EXD2: variants seen among roughly 807,000 people sequenced by gnomAD.
EXD2 encodes the protein exonuclease 3'-5' domain-containing protein 2.
A neutral mutation model predicts 62.5 loss-of-function variants in EXD2; 40 were observed. That is an observed-to-expected ratio of 0.64 (90% confidence interval 0.50 to 0.83). The LOEUF is 0.83. Among genes scored for constraint, EXD2 ranks in the 40% least tolerant of loss-of-function variants. EXD2 has a pLI of 0.00. For missense variants in EXD2, 671 were observed against 761.8 expected, an observed-to-expected ratio of 0.88 and a Z score of 1.40; for synonymous variants, 239 against 291.9, an observed-to-expected ratio of 0.82 and a Z score of 1.85.
chr14:69,223,943 A>G (rs1233559406), intron 3 of EXD2, among the ~76,000 whole-genome samples: 1 of 152,160 alleles, frequency 6.6e-6, no homozygotes, highest in Admixed American at 6.5e-5. Flanking sequence ...GCTTCTGGTG[A>G]GGCCTCCAGG....
chr14:69,200,683 T>G (rs2083926502), intron 1 of EXD2, among the ~76,000 whole-genome samples: 1 of 148,256 alleles, frequency 6.7e-6, no homozygotes, highest in Non-Finnish European at 1.5e-5. Flanking sequence ...CACTCCAGCC[T>G]TTGCGATAGA....
At chr14:69,225,491 A>G (rs982747514) in intron 3 of EXD2, among the ~76,000 whole-genome samples, 9 of 152,186 alleles carry the variant, frequency 5.9e-5, no homozygotes, top group African/African-American at 2.2e-4. Flanking sequence ...GTTCAGTTAA[A>G]CTTTGTACTT....
chr14:69,216,260 G>T (rs921884149), intron 3 of EXD2, among the ~76,000 whole-genome samples: 2 of 152,280 alleles, frequency 1.3e-5, no homozygotes, highest in African/African-American at 4.8e-5. Flanking sequence ...ACAAGTGTCT[G>T]TATGTGTCTA....
rs146836227 is a variant in EXD2 at position 69,207,114 on chromosome 14, A to G, written c.-47-2310A>G. Among the ~76,000 whole-genome samples the G allele has an allele frequency of 9.6e-4, 146 of 152,318 alleles. 2 individuals carry two copies. Among genetic ancestry groups the G allele is most frequent in the African/African-American group, 3.3e-3 (136 of 41,580 alleles). ...ATTACCACTTTTCATTATTACTCTA[A>G]TAATTGTTGTAATTCAGTTTTTCTT... On this transcript the variant is annotated intron_variant, in intron 2 of 9. Coordinates refer to ENST00000685843, the MANE Select transcript of EXD2 (RefSeq NM_001193360.2).
At chr14:69,213,643 A>G (rs2042893270) in intron 3 of EXD2, among the ~76,000 whole-genome samples, 1 of 144,716 alleles carries the variant, frequency 6.9e-6, no homozygotes, top group Non-Finnish European at 1.5e-5. Context: ...TCCTACAAGC[A>G]TAAGCCACTG....
At chr14:69,204,241 A>T (rs1179148378) in intron 2 of EXD2, among the ~76,000 whole-genome samples, 1 of 152,244 alleles carries the variant, frequency 6.6e-6, no homozygotes, top group Non-Finnish European at 1.5e-5. Context: ...AATTTGAAAA[A>T]TAAAAATTGT....
chr14:69,233,764 CTT>C (rs1392382633), intron 5 of EXD2, among the ~76,000 whole-genome samples: 30 of 115,176 alleles, frequency 2.6e-4, no homozygotes, highest in African/African-American at 1.9e-4. Flanking sequence ...GACCACGCTA[CTT>C]TTTTTTTTTT....
At position 69,213,378 on chromosome 14, in the gene EXD2, T is replaced by C. The variant is rs976466074; in HGVS notation, c.333+3575T>C. Among the ~76,000 whole-genome samples, 6 of 14,098 alleles carry C rather than the reference T, an allele frequency of 4.3e-4. No homozygotes were observed. In the African/African-American group the frequency reaches 5.6e-3, roughly 13 times the overall value. The allele number at this position is 14,098 out of a possible 152,430, so 9.2% of individuals were successfully genotyped here. The stretch of plus-strand genomic sequence containing the variant: ...GTGAGCTACCATGCTGGGCCCTTTT[T>C]TTTTTTTTTTTTTTTTTTTTAAGAG... On this transcript the variant is annotated intron_variant, in intron 3 of 9. Coordinates refer to ENST00000685843, the MANE Select transcript of EXD2 (RefSeq NM_001193360.2).
At chr14:69,201,874 G>A (rs1456373711) in intron 1 of EXD2, among the ~76,000 whole-genome samples, 1 of 151,576 alleles carries the variant, frequency 6.6e-6, no homozygotes, top group African/African-American at 2.4e-5. Context: ...GTAGAGATGG[G>A]GTTTCACCAT....
chr14:69,232,260 G>A (rs565472764), intron 5 of EXD2, among the ~76,000 whole-genome samples: 76 of 152,216 alleles, frequency 5.0e-4, no homozygotes, highest in Non-Finnish European at 9.9e-4. Flanking sequence ...AGGAGATCAG[G>A]GTGTAAGTGT....
chr14:69,201,760 G>A (rs2042413529), intron 1 of EXD2, among the ~76,000 whole-genome samples: 1 of 132,334 alleles, frequency 7.6e-6, no homozygotes, highest in Non-Finnish European at 1.5e-5. Context: ...TCGGCTTACT[G>A]CAAGCTCCGC....
At chr14:69,227,204 C>G (rs190472312) in intron 3 of EXD2, among the ~76,000 whole-genome samples, 1 of 152,172 alleles carries the variant, frequency 6.6e-6, no homozygotes, top group African/African-American at 2.4e-5. Context: ...TGTACTTCCT[C>G]CCCACTTGTG....
intron 3 of EXD2, among the ~76,000 whole-genome samples, chr14:69,215,543 T>G (rs541248734): frequency 6.6e-6 from 1 of 152,312 alleles, no homozygotes; most frequent in African/African-American, 2.4e-5. Flanking sequence ...CCGTAGCATA[T>G]GACTGATTCC....
intron 2 of EXD2, among the ~76,000 whole-genome samples, chr14:69,206,268 G>A (rs2042590767): frequency 1.3e-5 from 2 of 151,816 alleles, no homozygotes; most frequent in African/African-American, 4.8e-5. Context: ...TTTGGCCTGG[G>A]GCAGGTGGCT....
intron 1 of EXD2, among the ~76,000 whole-genome samples, chr14:69,194,858 T>C (rs1245924088): frequency 1.3e-5 from 2 of 152,208 alleles, no homozygotes; most frequent in African/African-American, 4.8e-5. Context: ...AAAAACAATA[T>C]TTTTGGTTAT....
intron 4 of EXD2, 64 bp downstream of exon 4, chr14:69,229,136 A>G (rs2043477237): frequency 1.3e-6 from 2 of 1,589,284 alleles, no homozygotes; most frequent in Admixed American, 3.4e-5. Context: ...CCAGATTTGT[A>G]GATGCCTGGG....
In EXD2 at chr14:69,235,051, T is replaced by A; in HGVS notation, c.1049+20T>A. On this transcript the variant is annotated intron_variant, in intron 6 of 9. Transcript: ENST00000685843. ...TGCCAGGTAACTGAATCACTCCCTG[T>A]CTAGTAAAGAGTCAGTGGCCCAGCC... 1 of 1,553,114 alleles carries A rather than the reference T, an allele frequency of 6.4e-7. No individual in the cohort carries two copies. The highest frequency in any genetic ancestry group is 8.7e-7 in the Non-Finnish European group (1 of 1,154,884).
At chr14:69,232,530 G>A (rs1305558892) in intron 5 of EXD2, among the ~76,000 whole-genome samples, 3 of 152,092 alleles carry the variant, frequency 2.0e-5, no homozygotes, top group South Asian at 2.1e-4. Flanking sequence ...TGAGGGTGTC[G>A]GGGTTCTGCA....
At chr14:69,208,367 C>T (rs1434339155) in intron 2 of EXD2, among the ~76,000 whole-genome samples, 1 of 152,116 alleles carries the variant, frequency 6.6e-6, no homozygotes, top group East Asian at 1.9e-4. Context: ...CCCGCCACCA[C>T]GCCTGGCTAA....
Sources: gnomAD v4.1 joint callset for allele counts (sites outside exome capture counted in the v4.1 genomes callset) on GRCh38, gnomAD v4.1.1 for gene constraint, MANE v1.5 for transcripts, NCBI Gene and HGNC (gene_info 2026-07-23, HGNC 2026-07-21) for gene names.